LHX2: variants seen among roughly 807,000 people sequenced by gnomAD.
LHX2 encodes LIM/homeobox protein Lhx2.
LHX2 carries 6 observed loss-of-function variants against 33.0 expected under a neutral mutation model. The ratio of observed to expected loss-of-function variants is 0.18; its 90% CI spans 0.10 to 0.36. The LOEUF is 0.36. LHX2 is among the 10% of genes least tolerant of loss of function. LHX2 has a pLI of 1.00. For synonymous variants in LHX2, 292 were observed against 253.1 expected, an observed-to-expected ratio of 1.15 and a Z score of -1.46; for missense variants, 442 against 586.2, an observed-to-expected ratio of 0.75 and a Z score of 2.54.
intron 3 of LHX2, among the ~76,000 whole-genome samples, chr9:124,019,505 A>G (rs1249710215): frequency 1.3e-5 from 2 of 152,238 alleles, no homozygotes; most frequent in Non-Finnish European, 2.9e-5. Flanking sequence ...AATTTGTAGT[A>G]TAAGTGTCCC....
At chr9:124,027,925 C>T (rs952885250) in intron 4 of LHX2, among the ~76,000 whole-genome samples, 4 of 151,912 alleles carry the variant, frequency 2.6e-5, no homozygotes, top group African/African-American at 9.7e-5. Flanking sequence ...CTTTTTTTCA[C>T]CTAACAGCCA....
rs752033219 is a variant in LHX2, at chr9:124,012,372, C to A, written c.24C>A (p.Gly8=). 1.2e-5 allele frequency: 19 copies of A among 1,526,064 alleles called. No homozygotes were observed. In the African/African-American group the frequency reaches 2.7e-4, roughly 21 times the overall value. The allele number at this position is 1,526,064 out of a possible 1,614,324, so 94.5% of individuals were successfully genotyped here. A position where few individuals can be genotyped will look rare whatever the true frequency, so the allele number is the denominator to read the frequency against. Residue 8 remains glycine (G), a synonymous_variant, in exon 1 of 5, where the codon GGC becomes GGA. Transcript: ENST00000373615. This position sits in a 1 kb window ranked among gnomAD's most constrained non-coding sequence, Gnocchi z 4.3. MLFHSLS[G]PEVHGVIDEM... is the part of the protein sequence containing the mutation. ...CGATGCTGTTCCACAGTCTGTCGGG[C>A]CCCGAGGTGCACGGGGTCATCGACG...
intron 1 of LHX2, among the ~76,000 whole-genome samples, chr9:124,013,726 C>G (rs1168393924): frequency 2.6e-5 from 4 of 152,272 alleles, no homozygotes; most frequent in Non-Finnish European, 5.9e-5. Flanking sequence ...AGGCCAGGAG[C>G]CCGGCCTGGG....
chr9:124,028,841 C>T (rs993259391), intron 4 of LHX2, among the ~76,000 whole-genome samples: 1 of 152,186 alleles, frequency 6.6e-6, no homozygotes, highest in South Asian at 2.1e-4. Flanking sequence ...GGCACGGTGG[C>T]TCATGCCTAT....
chr9:124,020,368 G>A (rs551122052), intron 3 of LHX2, among the ~76,000 whole-genome samples: 1 of 152,274 alleles, frequency 6.6e-6, no homozygotes, highest in South Asian at 2.1e-4. Context: ...CTTGTTCACG[G>A]AGAAACAATC....
chr9:124,030,642 T>C (rs1828693547), intron 4 of LHX2, among the ~76,000 whole-genome samples: 1 of 144,894 alleles, frequency 6.9e-6, no homozygotes, highest in Non-Finnish European at 1.5e-5. Context: ...TTTTTTTTTT[T>C]TTTTTTTGAG....
At chr9:124,024,000 C>T (rs1828565073) in intron 4 of LHX2, among the ~76,000 whole-genome samples, 1 of 152,184 alleles carries the variant, frequency 6.6e-6, no homozygotes, top group African/African-American at 2.4e-5. Flanking sequence ...CTCCACTTGC[C>T]CCAAATCACA....
chr9:124,032,533 G>C lies in LHX2; in HGVS notation c.1047G>C (p.Pro349=). 1 of 1,613,866 alleles carries C rather than the reference G, an allele frequency of 6.2e-7. No individual in the cohort carries two copies. The highest frequency in any genetic ancestry group is 8.5e-7 in the Non-Finnish European group (1 of 1,179,932). ...TGCAGACAGGGACGCCATCGGGCCC[G>C]GCCTCGGAGCTCTCCAACGCCTCGC... ...AALQTGTPSG[P]ASELSNASLS... Residue 349 remains proline (P), a synonymous_variant, in exon 5 of 5, where the codon CCG becomes CCC. Coordinates refer to ENST00000373615, the MANE Select transcript of LHX2 (RefSeq NM_004789.4). This position sits in a 1 kb window ranked among gnomAD's most constrained non-coding sequence, Gnocchi z 4.1.
intron 4 of LHX2, among the ~76,000 whole-genome samples, chr9:124,023,082 G>T (rs993248432): frequency 6.6e-6 from 1 of 152,196 alleles, no homozygotes; most frequent in Admixed American, 6.5e-5. Context: ...TTGGGGTTAG[G>T]TCAAGGACCC....
rs764841570 is a variant in LHX2 at position 124,015,398 on chromosome 9, G to T, written c.600G>T (p.Gly200=). The T allele has an allele frequency of 6.2e-7, 1 of 1,607,608 alleles. No individual in the cohort carries two copies. Among genetic ancestry groups the T allele is most frequent in the Non-Finnish European group, 8.5e-7 (1 of 1,176,782 alleles). ...CAGCCGCGGCGGCCAAGAGCGCGGG[G>T]CTGGGCGCAGCAGGGGCCAACCCTC... ...AAAAAAAKSA[G]LGAAGANPLG... The change falls in exon 3 of 5, where the codon GGG becomes GGT. Residue 200 remains glycine (G), a synonymous_variant. Transcript: ENST00000373615. The surrounding 1 kb of genome is among the most constrained non-coding windows in gnomAD (Gnocchi z 7.9).
intron 3 of LHX2, among the ~76,000 whole-genome samples, chr9:124,020,277 C>T (rs971524883): frequency 1.3e-5 from 2 of 152,242 alleles, no homozygotes; most frequent in East Asian, 1.9e-4. Flanking sequence ...ATTTCTGCCT[C>T]GGACTTCCTT....
chr9:124,013,279 G>A (rs1336134053), intron 1 of LHX2, among the ~76,000 whole-genome samples: 1 of 152,250 alleles, frequency 6.6e-6, no homozygotes, highest in East Asian at 1.9e-4. Context: ...GCCTCTGAGC[G>A]CTTCTTCGGT....
intron 4 of LHX2, among the ~76,000 whole-genome samples, chr9:124,025,694 A>G (rs570707281): frequency 5.3e-5 from 8 of 152,228 alleles, no homozygotes; most frequent in African/African-American, 1.9e-4. Flanking sequence ...CTTAAAAACC[A>G]TCTTTCAGTC....
intron 3 of LHX2, among the ~76,000 whole-genome samples, chr9:124,018,564 G>A (rs1859236797): frequency 6.6e-6 from 1 of 151,994 alleles, no homozygotes; most frequent in African/African-American, 2.4e-5. Flanking sequence ...TAACGGCTTC[G>A]GAAAAGGCCT....
chr9:124,027,853 T>C (rs148971803), intron 4 of LHX2, among the ~76,000 whole-genome samples: 113 of 152,272 alleles, frequency 7.4e-4, no homozygotes, highest in Non-Finnish European at 1.3e-3. Flanking sequence ...TGAGGAATAG[T>C]ATTCATCATT....
intron 4 of LHX2, among the ~76,000 whole-genome samples, chr9:124,024,972 G>A (rs1828588699): frequency 1.3e-5 from 2 of 152,208 alleles, no homozygotes; most frequent in South Asian, 4.1e-4. Flanking sequence ...GAGGGAAGGT[G>A]TGGGTCACAG....
Position 124,025,198 on chromosome 9 carries a change from G to A in LHX2, c.933+3894G>A, listed in dbSNP as rs1435390657. Among the ~76,000 whole-genome samples, 3 of 152,180 alleles carry A rather than the reference G, an allele frequency of 2.0e-5. No homozygotes were observed. The East Asian group carries it at 5.8e-4, about 29-fold the overall frequency. ...TCACGCCTGTAATCCCAGCACTTTG[G>A]GAGGCAGGCCGAGGCGGGCGGATTA... On this transcript the variant is annotated intron_variant, in intron 4 of 4. Transcript: ENST00000373615.
intron 1 of LHX2, 71 bp from the exon 2 acceptor site, chr9:124,013,890 C>G (rs936118450): frequency 4.3e-5 from 62 of 1,456,504 alleles, no homozygotes; most frequent in Non-Finnish European, 5.6e-5. Context: ...TTGTGGGTGC[C>G]GGTTTCCCGG....
At position 124,016,990 on chromosome 9, in the gene LHX2, A is replaced by G. The variant is rs1564549265; in HGVS notation, c.727+1465A>G. ...GGGCACCTGGTGGCTGGGGAGCTGT[A>G]TTGTTTTCCTGGGCACGGAGGTTCG... is the stretch of plus-strand genomic sequence containing the variant. On this transcript the variant is annotated intron_variant, in intron 3 of 4. Coordinates refer to ENST00000373615, the MANE Select transcript of LHX2 (RefSeq NM_004789.4). The surrounding 1 kb of genome is among the most constrained non-coding windows in gnomAD (Gnocchi z 4.4). Among the ~76,000 whole-genome samples, 1 of 152,020 alleles carries G rather than the reference A, an allele frequency of 6.6e-6. No individual in the cohort carries two copies. The highest frequency in any genetic ancestry group is 1.5e-5 in the Non-Finnish European group (1 of 68,000).
Sources: allele counts gnomAD v4.1 joint callset (sites outside exome capture counted in the v4.1 genomes callset), GRCh38; gene constraint gnomAD v4.1.1; non-coding constraint Gnocchi (gnomAD v3.1); transcripts MANE v1.5; gene names NCBI Gene and HGNC (gene_info 2026-07-23, HGNC 2026-07-21).